The following CNTN4 variants were observed in gnomAD, a reference collection of about 807,000 sequenced individuals.
CNTN4 encodes the protein contactin 4.
Under a neutral mutation model 122.5 loss-of-function variants are expected in CNTN4, and 77 were observed. That is an observed-to-expected ratio of 0.63 (90% CI 0.52 to 0.76). The LOEUF (loss-of-function observed/expected upper bound fraction) is 0.76. CNTN4 is among the 30% of genes least tolerant of loss of function. CNTN4 has a pLI of 0.00. For missense variants in CNTN4, 1,256 were observed against 1,259.1 expected, an observed-to-expected ratio of 1.00 and a Z score of 0.04; for synonymous variants, 512 against 447.0, an observed-to-expected ratio of 1.15 and a Z score of -1.83.
At chr3:2,740,102 A>C (rs2089375897) in intron 5 of CNTN4, among the ~76,000 whole-genome samples, 1 of 152,150 alleles carries the variant, frequency 6.6e-6, no homozygotes, top group Non-Finnish European at 1.5e-5. Context: ...CACGCCTGTA[A>C]TCCCAACACT....
At chr3:2,695,627 A>G (rs1304970914) in intron 4 of CNTN4, among the ~76,000 whole-genome samples, 1 of 152,186 alleles carries the variant, frequency 6.6e-6, no homozygotes, top group Non-Finnish European at 1.5e-5. Context: ...AAGGGATGTT[A>G]TAGAGAAGAC....
chr3:2,694,431 A>C (rs2085908972), intron 4 of CNTN4, among the ~76,000 whole-genome samples: 1 of 152,234 alleles, frequency 6.6e-6, no homozygotes, highest in Non-Finnish European at 1.5e-5. Context: ...CCCAGAAATC[A>C]TAAAGGACAG....
chr3:2,907,241 A>G (rs913448815), intron 12 of CNTN4, among the ~76,000 whole-genome samples: 2 of 152,186 alleles, frequency 1.3e-5, no homozygotes, highest in African/African-American at 4.8e-5. Flanking sequence ...GCTGAATTGA[A>G]CAAAGAAACA....
chr3:2,992,180 A>T (rs79066273), intron 14 of CNTN4, among the ~76,000 whole-genome samples: 1,680 of 152,312 alleles, frequency 0.011, 33 homozygotes, highest in African/African-American at 0.039. Context: ...CAATCATCAC[A>T]TGAATAAATA....
intron 3 of CNTN4, among the ~76,000 whole-genome samples, chr3:2,551,557 T>C (rs371360889): frequency 1.3e-5 from 2 of 152,156 alleles, no homozygotes; most frequent in African/African-American, 2.4e-5. Flanking sequence ...TAATACTTTG[T>C]AATGATCATG....
intron 6 of CNTN4, among the ~76,000 whole-genome samples, chr3:2,749,204 C>T (rs1455173161): frequency 6.6e-6 from 1 of 152,114 alleles, no homozygotes; most frequent in African/African-American, 2.4e-5. Flanking sequence ...TGCTCCGTCG[C>T]CCTAGCTGGA....
At chr3:2,832,338 C>T (rs536831123) in intron 7 of CNTN4, among the ~76,000 whole-genome samples, 1 of 152,156 alleles carries the variant, frequency 6.6e-6, no homozygotes, top group Non-Finnish European at 1.5e-5. Flanking sequence ...AATGTTTTCT[C>T]CTGCCATGTA....
At chr3:2,742,453 T>G (rs950243515) in intron 5 of CNTN4, among the ~76,000 whole-genome samples, 3 of 152,216 alleles carry the variant, frequency 2.0e-5, no homozygotes, top group Non-Finnish European at 2.9e-5. Context: ...TTGCTGAGGT[T>G]TGTATTCAAC....
chr3:2,294,597 C>T (rs1258142711), intron 2 of CNTN4, among the ~76,000 whole-genome samples: 1 of 152,110 alleles, frequency 6.6e-6, no homozygotes, highest in Non-Finnish European at 1.5e-5. Flanking sequence ...TGCCACTGCA[C>T]CACAGCCTGG....
intron 2 of CNTN4, among the ~76,000 whole-genome samples, chr3:2,180,552 C>T (rs777271465): frequency 1.5e-4 from 23 of 151,964 alleles, no homozygotes; most frequent in Non-Finnish European, 2.5e-4. Context: ...GGCTTGACTG[C>T]AAGAAAGTTA....
intron 3 of CNTN4, among the ~76,000 whole-genome samples, chr3:2,339,824 C>G (rs892754700): frequency 7.9e-5 from 12 of 152,336 alleles, no homozygotes; most frequent in South Asian, 2.1e-4. Context: ...AACTTATTCT[C>G]TCACATTTGT....
At chr3:2,479,620 G>A (rs950731082) in intron 3 of CNTN4, among the ~76,000 whole-genome samples, 1 of 152,202 alleles carries the variant, frequency 6.6e-6, no homozygotes, top group Non-Finnish European at 1.5e-5. Context: ...GGAACTGGGG[G>A]AGGGACTTGC....
intron 8 of CNTN4, among the ~76,000 whole-genome samples, chr3:2,874,074 G>A (rs1464789437): frequency 3.9e-5 from 6 of 152,180 alleles, no homozygotes; most frequent in Admixed American, 1.3e-4. Flanking sequence ...AACTGCCATT[G>A]CTAATCTGAT....
chr3:2,461,109 G>A (rs899523209), intron 3 of CNTN4, among the ~76,000 whole-genome samples: 2 of 152,052 alleles, frequency 1.3e-5, no homozygotes, highest in Non-Finnish European at 2.9e-5. Context: ...AAGGAACCTT[G>A]AGGCCCATAT....
chr3:2,262,914 C>T (rs1304493412), intron 2 of CNTN4, among the ~76,000 whole-genome samples: 1 of 152,038 alleles, frequency 6.6e-6, no homozygotes, highest in East Asian at 1.9e-4. Context: ...CTCATGATTG[C>T]AGATGGAGCA....
At chr3:2,883,284 C>T in intron 9 of CNTN4, 37 bp downstream of exon 9, 2 of 1,465,274 alleles carry the variant, frequency 1.4e-6, no homozygotes, top group Non-Finnish European at 1.9e-6. Context: ...ATCCTCCCTT[C>T]AGCTTGAGCA....
At chr3:2,437,500 T>G (rs1575627968) in intron 3 of CNTN4, among the ~76,000 whole-genome samples, 1 of 152,176 alleles carries the variant, frequency 6.6e-6, no homozygotes, top group East Asian at 1.9e-4. Flanking sequence ...CCCATATTTC[T>G]AAATTCCTAT....
Position 2,931,274 on chromosome 3 carries a change from G to T in CNTN4, c.1358+5495G>T, listed in dbSNP as rs560095407. 2.6e-5 allele frequency among the ~76,000 whole-genome samples: 4 copies of T among 152,314 alleles called. No homozygotes were observed. The South Asian group carries it at 8.3e-4, about 32-fold the overall frequency. ...AGAACTGAAAACACTTAATGACCTA[G>T]TAAGTAGAAGGATTGAAAAAAGGAG... On this transcript the variant is annotated intron_variant, in intron 13 of 24. Transcript: ENST00000418658.
chr3:2,351,826 G>T (rs1005374868), intron 3 of CNTN4, among the ~76,000 whole-genome samples: 6 of 147,356 alleles, frequency 4.1e-5, no homozygotes, highest in African/African-American at 1.2e-4. Flanking sequence ...TTGAGAGGGG[G>T]AGGGAATGGG....
Sources: allele counts gnomAD v4.1 joint callset (sites outside exome capture counted in the v4.1 genomes callset), GRCh38; gene constraint gnomAD v4.1.1; transcripts MANE v1.5; gene names NCBI Gene and HGNC (gene_info 2026-07-23, HGNC 2026-07-21).